The following LIN52 variants were observed in gnomAD, a reference collection of about 807,000 sequenced individuals.
LIN52 encodes the protein protein lin-52 homolog.
In LIN52, 4 loss-of-function variants were observed where a neutral mutation model predicts 18.5. The observed-to-expected ratio is 0.22, with a 90% CI of 0.11 to 0.49. LIN52 has a LOEUF of 0.49. Among genes scored for constraint, LIN52 ranks in the 20% least tolerant of loss-of-function variants. The pLI is 0.97. For missense variants in LIN52, 102 were observed against 139.5 expected, an observed-to-expected ratio of 0.73 and a Z score of 1.35; for synonymous variants, 34 against 45.5, an observed-to-expected ratio of 0.75 and a Z score of 1.02.
chr14:74,119,678 G>C (rs2060987426), intron 5 of LIN52, among the ~76,000 whole-genome samples: 1 of 152,052 alleles, frequency 6.6e-6, no homozygotes, highest in South Asian at 2.1e-4. Context: ...CTAATAAATG[G>C]TATCTTAATG....
chr14:74,101,305 T>C, intron 5 of LIN52, 67 bp downstream of exon 5: 2 of 1,079,078 alleles, frequency 1.9e-6, no homozygotes, highest in Non-Finnish European at 2.7e-6. Flanking sequence ...CACCCTGAGC[T>C]CAGGTATTCC....
intron 3 of LIN52, among the ~76,000 whole-genome samples, chr14:74,097,425 C>CTTTTTT (rs35249058): frequency 2.8e-4 from 37 of 133,538 alleles, no homozygotes; most frequent in Non-Finnish European, 4.6e-4. Context: ...TTTTCTTTTT[C>CTTTTTT]TTTTTTTTTT....
intron 5 of LIN52, among the ~76,000 whole-genome samples, chr14:74,102,148 A>T (rs914603488): frequency 6.6e-6 from 1 of 152,058 alleles, no homozygotes; most frequent in African/African-American, 2.4e-5. Context: ...GAGGCTGAGG[A>T]TGGAGAATCA....
chr14:74,199,098 C>G lies in LIN52; in HGVS notation c.*121C>G. 4.4e-6 allele frequency: 3 copies of G among 680,848 alleles called. No individual in the cohort carries two copies. Among genetic ancestry groups the G allele is most frequent in the South Asian group, 1.7e-5 (1 of 57,896 alleles). 42.2% of individuals were successfully genotyped at this position (680,848 alleles called of 1,614,324 possible). On this transcript the variant is annotated 3_prime_UTR_variant, in exon 6 of 6. Coordinates refer to ENST00000555028, the MANE Select transcript of LIN52 (RefSeq NM_001024674.3). The stretch of plus-strand genomic sequence containing the variant: ...GCCAGAGGGTGTACCTCCAGGACTG[C>G]CCTCTCCCCTGCTCCTGGCACTCTA...
intron 5 of LIN52, among the ~76,000 whole-genome samples, chr14:74,151,913 C>T (rs2061178233): frequency 6.6e-6 from 1 of 151,942 alleles, no homozygotes; most frequent in African/African-American, 2.4e-5. Flanking sequence ...GCTGTGCCTT[C>T]CCCACAGGTT....
chr14:74,103,080 T>C lies in LIN52; in HGVS notation c.283+1842T>C, dbSNP rs1406800841. On this transcript the variant is annotated intron_variant, in intron 5 of 5. Transcript: ENST00000555028. ...AGGACTCTTACTTTCTTTTGCTGTT[T>C]TGTTTTGTTTTGTTTTGAGACAGAG... is the stretch of plus-strand genomic sequence containing the variant. Among the ~76,000 whole-genome samples, 6 of 152,256 alleles carry C rather than the reference T, an allele frequency of 3.9e-5. No individual in the cohort carries two copies. The East Asian group carries it at 1.2e-3, about 29-fold the overall frequency.
chr14:74,118,766 C>A (rs1392860834), intron 5 of LIN52, among the ~76,000 whole-genome samples: 1 of 152,132 alleles, frequency 6.6e-6, no homozygotes, highest in Non-Finnish European at 1.5e-5. Context: ...AGGAGTGAGA[C>A]CCTATCTCAA....
At chr14:74,087,856 C>G (rs2139841099) in intron 1 of LIN52, among the ~76,000 whole-genome samples, 1 of 152,270 alleles carries the variant, frequency 6.6e-6, no homozygotes, top group African/African-American at 2.4e-5. Flanking sequence ...AGTTCTATCC[C>G]AGACTGTGGT....
chr14:74,178,670 G>A (rs1182197686), intron 5 of LIN52, among the ~76,000 whole-genome samples: 1 of 151,410 alleles, frequency 6.6e-6, no homozygotes, highest in African/African-American at 2.4e-5. Context: ...ATATTGGCCA[G>A]GCTGGTCTCA....
Position 74,127,627 on chromosome 14 carries a change from A to C in LIN52, c.283+26389A>C, listed in dbSNP as rs572101298. 1.6e-4 allele frequency among the ~76,000 whole-genome samples: 24 copies of C among 152,366 alleles called. No individual in the cohort carries two copies. In the South Asian group the frequency reaches 4.8e-3, roughly 30 times the overall value. On this transcript the variant is annotated intron_variant, in intron 5 of 5. Coordinates refer to ENST00000555028, the MANE Select transcript of LIN52 (RefSeq NM_001024674.3). ...GGCAAGTGAGGAACTAGGGAAATAA[A>C]GTAGGAAGTCATTGCAATAGCTAAG...
At chr14:74,146,343 T>C (rs2061152402) in intron 5 of LIN52, among the ~76,000 whole-genome samples, 1 of 152,162 alleles carries the variant, frequency 6.6e-6, no homozygotes, top group South Asian at 2.1e-4. Context: ...CCTTTAGTTC[T>C]CTTCAGTTTC....
rs1415269583 is a variant in LIN52 at position 74,199,876 on chromosome 14, G to C, written c.*899G>C. ...TAACATGCTATGGGATGGTGGGATT[G>C]TCCCCTCTGACAGCACATATGAAAT... On this transcript the variant is annotated 3_prime_UTR_variant, in exon 6 of 6. Transcript: ENST00000555028. 6.6e-6 allele frequency: 1 copy of C among 152,206 alleles called. No homozygotes were observed. The highest frequency in any genetic ancestry group is 1.9e-4 in the East Asian group (1 of 5,194). 9.4% of individuals were successfully genotyped at this position (152,206 alleles called of 1,614,324 possible).
intron 2 of LIN52, among the ~76,000 whole-genome samples, chr14:74,093,074 C>A (rs1255552511): frequency 6.6e-6 from 1 of 151,928 alleles, no homozygotes; most frequent in Non-Finnish European, 1.5e-5. Flanking sequence ...GCCTCAGCCT[C>A]CCGAGTAGCT....
chr14:74,165,895 T>C (rs964839914), intron 5 of LIN52, among the ~76,000 whole-genome samples: 1 of 129,168 alleles, frequency 7.7e-6, no homozygotes, highest in African/African-American at 3.9e-5. Context: ...ATTTCACCAA[T>C]TTTTTTTTTT....
chr14:74,109,872 A>G (rs777836602), intron 5 of LIN52, among the ~76,000 whole-genome samples: 2 of 152,212 alleles, frequency 1.3e-5, no homozygotes, highest in Non-Finnish European at 2.9e-5. Flanking sequence ...ATAATTTTCC[A>G]TATACAGAAT....
intron 5 of LIN52, among the ~76,000 whole-genome samples, chr14:74,195,776 C>T (rs572767777): frequency 6.6e-5 from 10 of 152,124 alleles, no homozygotes; most frequent in East Asian, 1.9e-4. Context: ...TGGGGGGGTT[C>T]GGTTAGCGGG....
chr14:74,107,727 A>T (rs1449330200), intron 5 of LIN52, among the ~76,000 whole-genome samples: 1 of 152,110 alleles, frequency 6.6e-6, no homozygotes, highest in Non-Finnish European at 1.5e-5. Context: ...CATGCAAATG[A>T]CCTACTTACT....
chr14:74,179,661 AAAAAAAAAG>A (rs1237860812), intron 5 of LIN52, among the ~76,000 whole-genome samples: 5 of 90,714 alleles, frequency 5.5e-5, no homozygotes, highest in East Asian at 2.0e-4. Context: ...ATCTCAAAAA[AAAAAAAAAG>A]AAAAAAAAGA....
At chr14:74,096,225 T>C (rs952652693) in intron 3 of LIN52, among the ~76,000 whole-genome samples, 2 of 152,138 alleles carry the variant, frequency 1.3e-5, no homozygotes, top group Non-Finnish European at 2.9e-5. Flanking sequence ...CACGCCCAGC[T>C]AATTTTTGTA....
Sources: gnomAD v4.1 joint callset for allele counts (sites outside exome capture counted in the v4.1 genomes callset) on GRCh38, gnomAD v4.1.1 for gene constraint, MANE v1.5 for transcripts, NCBI Gene and HGNC (gene_info 2026-07-23, HGNC 2026-07-21) for gene names.